The following KCNMB2 variants were observed in gnomAD, a reference collection of about 807,000 sequenced individuals.
KCNMB2 encodes potassium calcium-activated channel subfamily M regulatory beta subunit 2.
In KCNMB2, 9 loss-of-function variants were observed where a neutral mutation model predicts 24.5. The observed-to-expected ratio is 0.37, with a 90% CI of 0.22 to 0.64. KCNMB2 has a LOEUF of 0.64. Ranked by LOEUF, KCNMB2 falls within the 30% of genes least tolerant of loss-of-function variation. The pLI is 0.63. For synonymous variants in KCNMB2, 109 were observed against 104.4 expected (o/e 1.04, Z -0.27); for missense variants, 226 against 284.3 (o/e 0.79, Z 1.47).
At chr3:178,570,409 G>A (rs1716730842) in intron 1 of KCNMB2, among the ~76,000 whole-genome samples, 1 of 151,078 alleles carries the variant, frequency 6.6e-6, no homozygotes, top group Admixed American at 6.6e-5. Context: ...AATATTTCAA[G>A]AAGACTAGAA....
At chr3:178,624,391 A>G (rs1479691132) in intron 1 of KCNMB2, among the ~76,000 whole-genome samples, 3 of 152,056 alleles carry the variant, frequency 2.0e-5, no homozygotes, top group Non-Finnish European at 2.9e-5. Flanking sequence ...CTGTACTAAG[A>G]TGTCTATACT....
intron 1 of KCNMB2, among the ~76,000 whole-genome samples, chr3:178,615,542 T>G (rs369483820): frequency 3.3e-5 from 5 of 152,214 alleles, no homozygotes; most frequent in East Asian, 3.9e-4. Flanking sequence ...AGCCTCACCC[T>G]GTAGCCATCA....
intron 1 of KCNMB2, among the ~76,000 whole-genome samples, chr3:178,570,785 G>A (rs1716749468): frequency 6.6e-6 from 1 of 152,024 alleles, no homozygotes; most frequent in South Asian, 2.1e-4. Flanking sequence ...ACAAAAATGG[G>A]GGTAATAGGT....
chr3:178,805,662 T>C (rs1713936835), intron 1 of KCNMB2, among the ~76,000 whole-genome samples: 1 of 151,944 alleles, frequency 6.6e-6, no homozygotes, highest in Non-Finnish European at 1.5e-5. Context: ...GGTGTCACTG[T>C]GTCATCCAGG....
intron 1 of KCNMB2, among the ~76,000 whole-genome samples, chr3:178,719,902 G>A (rs549490190): frequency 1.3e-5 from 2 of 152,078 alleles, no homozygotes; most frequent in South Asian, 2.1e-4. Flanking sequence ...CCTAGCCCCC[G>A]GCAACCACTG....
intron 1 of KCNMB2, among the ~76,000 whole-genome samples, chr3:178,675,577 A>G (rs1367513603): frequency 6.6e-6 from 1 of 152,182 alleles, no homozygotes; most frequent in African/African-American, 2.4e-5. Flanking sequence ...TTCCTTAGAC[A>G]TTAAAAAAAA....
intron 1 of KCNMB2, among the ~76,000 whole-genome samples, chr3:178,673,997 G>A (rs544735228): frequency 2.6e-5 from 4 of 152,218 alleles, no homozygotes; most frequent in African/African-American, 9.6e-5. Flanking sequence ...CTTGTTAAAC[G>A]AAATATCAAT....
intron 1 of KCNMB2, among the ~76,000 whole-genome samples, chr3:178,599,038 A>G (rs1014456307): frequency 2.0e-5 from 3 of 152,134 alleles, no homozygotes; most frequent in Non-Finnish European, 2.9e-5. Flanking sequence ...TTAAGCAAAG[A>G]TATGTCAAGG....
chr3:178,555,612 T>G (rs1716097065), intron 1 of KCNMB2, among the ~76,000 whole-genome samples: 1 of 152,236 alleles, frequency 6.6e-6, no homozygotes, highest in Non-Finnish European at 1.5e-5. Context: ...ATTATTCACT[T>G]TATGGTGAAT....
chr3:178,544,074 G>A (rs548924565), intron 1 of KCNMB2, among the ~76,000 whole-genome samples: 2 of 152,220 alleles, frequency 1.3e-5, no homozygotes, highest in South Asian at 4.1e-4. Context: ...AGTAGTTAAT[G>A]CTCAATAAGT....
At chr3:178,580,500 T>C (rs1285134412) in intron 1 of KCNMB2, among the ~76,000 whole-genome samples, 4 of 152,150 alleles carry the variant, frequency 2.6e-5, no homozygotes, top group African/African-American at 7.2e-5. Context: ...CAACATAGTA[T>C]TGGAAGTTCT....
At chr3:178,560,730 T>C (rs1247775685) in intron 1 of KCNMB2, among the ~76,000 whole-genome samples, 1 of 152,258 alleles carries the variant, frequency 6.6e-6, no homozygotes, top group African/African-American at 2.4e-5. Flanking sequence ...GCACTACGTG[T>C]TGGGGATGTG....
chr3:178,619,132 A>T (rs1470907560), intron 1 of KCNMB2, among the ~76,000 whole-genome samples: 2 of 152,214 alleles, frequency 1.3e-5, no homozygotes, highest in Admixed American at 1.3e-4. Flanking sequence ...TTCTGAGGAT[A>T]CAGAGTAGAG....
chr3:178,823,389 G>C (rs748448364), intron 2 of KCNMB2, among the ~76,000 whole-genome samples: 4 of 152,124 alleles, frequency 2.6e-5, no homozygotes, highest in East Asian at 1.9e-4. Flanking sequence ...AGCCAGGAAA[G>C]ACAAGGCCGT....
At chr3:178,549,657 A>C (rs1315882875) in intron 1 of KCNMB2, among the ~76,000 whole-genome samples, 5 of 151,982 alleles carry the variant, frequency 3.3e-5, no homozygotes, top group Non-Finnish European at 7.4e-5. Flanking sequence ...AGGTGAGCAC[A>C]CAGCAGTTTT....
chr3:178,773,631 C>T (rs1178015195), intron 1 of KCNMB2, among the ~76,000 whole-genome samples: 1 of 152,186 alleles, frequency 6.6e-6, no homozygotes, highest in African/African-American at 2.4e-5. Context: ...CCAACTCAGA[C>T]TCCAGATCCA....
rs1577080580 is a variant in KCNMB2, at chr3:178,662,697, T to TA, written c.-68+125986_-68+125987insA. Among the ~76,000 whole-genome samples, 4 of 152,106 alleles carry TA rather than the reference T, an allele frequency of 2.6e-5. No individual in the cohort carries two copies. In the East Asian group the frequency reaches 5.8e-4, roughly 22 times the overall value. Reference sequence around the variant, plus strand: ...GTATGAAATAACAAATATGAAAAAATTACACTATTTCACTACTAATTTAAT... The same window carrying TA: ...GTATGAAATAACAAATATGAAAAAATATACACTATTTCACTACTAATTTAAT... On this transcript the variant is annotated intron_variant, in intron 1 of 4. Transcript: ENST00000452583.
chr3:178,778,466 A>ACGCACGTGCGCGCGCGCGCGCG lies in KCNMB2; in HGVS notation c.-67-28876_-67-28875insGCACGTGCGCGCGCGCGCGCGC, dbSNP rs1335954249. ...TTTCTACCCTTTAAGACACACACAC[A>ACGCACGTGCGCGCGCGCGCGCG]CACACACACACACACACACACACAC... On this transcript the variant is annotated intron_variant, in intron 1 of 4. Coordinates refer to ENST00000452583, the MANE Select transcript of KCNMB2 (RefSeq NM_181361.3). Among the ~76,000 whole-genome samples, 60 of 88,522 alleles carry ACGCACGTGCGCGCGCGCGCGCG rather than the reference A, an allele frequency of 6.8e-4. 1 individual carries two copies. Among genetic ancestry groups the ACGCACGTGCGCGCGCGCGCGCG allele is most frequent in the Admixed American group, 2.9e-3 (30 of 10,234 alleles). 58.1% of individuals were successfully genotyped at this position (88,522 alleles called of 152,430 possible). A position where few individuals can be genotyped will look rare whatever the true frequency, so the allele number is the denominator to read the frequency against.
At chr3:178,618,543 A>T (rs1718797167) in intron 1 of KCNMB2, among the ~76,000 whole-genome samples, 1 of 152,138 alleles carries the variant, frequency 6.6e-6, no homozygotes, top group Non-Finnish European at 1.5e-5. Context: ...CACTCTCTTT[A>T]TGCCTCCTTT....
Sources: allele counts gnomAD v4.1 joint callset (sites outside exome capture counted in the v4.1 genomes callset), GRCh38; gene constraint gnomAD v4.1.1; transcripts MANE v1.5; gene names NCBI Gene and HGNC (gene_info 2026-07-23, HGNC 2026-07-21).